Variants in NTM observed in about 807,000 individuals in gnomAD.
The protein encoded by NTM is neurotrimin.
Under a neutral mutation model 42.1 loss-of-function variants are expected in NTM, and 13 were observed. That is an observed-to-expected ratio of 0.31 (90% confidence interval 0.20 to 0.49). The LOEUF (loss-of-function observed/expected upper bound fraction) is 0.49. Ranked by LOEUF, NTM falls within the 20% of genes least tolerant of loss-of-function variation. NTM has a pLI of 0.99. For synonymous variants in NTM, 187 were observed against 179.2 expected (o/e 1.04, Z -0.35); for missense variants, 373 against 452.8 (o/e 0.82, Z 1.60).
chr11:131,756,523 CA>C (rs371563328), intron 1 of NTM, among the ~76,000 whole-genome samples: 2,221 of 133,576 alleles, frequency 0.017, 36 homozygotes, highest in African/African-American at 0.048. Flanking sequence ...GACTCCATCT[CA>C]AAAAAAAAAA....
chr11:131,950,349 C>A lies in NTM; in HGVS notation c.167+38701C>A, dbSNP rs768443277. 9.3e-4 allele frequency among the ~76,000 whole-genome samples: 141 copies of A among 152,346 alleles called. No individual in the cohort carries two copies. The Middle Eastern group carries it at 0.014, about 15-fold the overall frequency. ...GGATTCCCTTGCCTGGTTTTCTGGG[C>A]ATCCAGCATACTGGCTTCAACTTTT... is the stretch of plus-strand genomic sequence containing the variant. On this transcript the variant is annotated intron_variant, in intron 2 of 8. Coordinates refer to ENST00000683400, the MANE Select transcript of NTM (RefSeq NM_001352005.2).
chr11:132,142,674 C>T (rs1334957883), intron 2 of NTM, among the ~76,000 whole-genome samples: 1 of 152,124 alleles, frequency 6.6e-6, no homozygotes, highest in Non-Finnish European at 1.5e-5. Context: ...TGATACCCAG[C>T]AGTGACAGTT....
chr11:132,127,590 CTA>C (rs2066055999), intron 2 of NTM, among the ~76,000 whole-genome samples: 2 of 152,212 alleles, frequency 1.3e-5, no homozygotes, highest in Admixed American at 6.5e-5. Flanking sequence ...TCAACAGTAT[CTA>C]TCTTTTCTGC....
chr11:131,857,762 C>T (rs1209829651), intron 1 of NTM, among the ~76,000 whole-genome samples: 2 of 152,070 alleles, frequency 1.3e-5, no homozygotes, highest in African/African-American at 2.4e-5. Flanking sequence ...CTTGTTTAGT[C>T]TATGTTATTG....
intron 1 of NTM, among the ~76,000 whole-genome samples, chr11:131,414,811 T>G (rs1946773780): frequency 6.6e-6 from 1 of 152,242 alleles, no homozygotes; most frequent in Non-Finnish European, 1.5e-5. Context: ...TGCATTTTTC[T>G]AAGTTCTTGC....
intron 2 of NTM, among the ~76,000 whole-genome samples, chr11:132,039,395 T>C (rs2076903979): frequency 6.6e-6 from 1 of 151,606 alleles, no homozygotes; most frequent in Admixed American, 6.6e-5. Context: ...CCTGAGTCTG[T>C]GCTAGGAAGG....
chr11:132,123,162 G>T (rs555947978), intron 2 of NTM, among the ~76,000 whole-genome samples: 1 of 152,248 alleles, frequency 6.6e-6, no homozygotes, highest in African/African-American at 2.4e-5. Flanking sequence ...CAGAGGGTCA[G>T]AACTGTGAGG....
chr11:132,060,666 T>C (rs949172365), intron 2 of NTM, among the ~76,000 whole-genome samples: 8 of 152,188 alleles, frequency 5.3e-5, no homozygotes, highest in Admixed American at 1.3e-4. Flanking sequence ...GTCACAGAAA[T>C]AGTATACTAC....
intron 2 of NTM, among the ~76,000 whole-genome samples, chr11:131,928,723 G>A (rs1047771296): frequency 6.6e-6 from 1 of 150,598 alleles, no homozygotes; most frequent in Non-Finnish European, 1.5e-5. Flanking sequence ...TCTCCCGTCT[G>A]TGTTTTGTCC....
intron 1 of NTM, among the ~76,000 whole-genome samples, chr11:131,870,688 A>G (rs1420202819): frequency 1.3e-5 from 2 of 152,196 alleles, no homozygotes; most frequent in Non-Finnish European, 2.9e-5. Context: ...ACAACTTGCA[A>G]AATTTAGAAG....
intron 1 of NTM, among the ~76,000 whole-genome samples, chr11:131,410,366 G>T (rs1015808039): frequency 6.6e-6 from 1 of 151,778 alleles, no homozygotes; most frequent in African/African-American, 2.4e-5. Flanking sequence ...CATACCCGTG[G>T]TCCCAGCCAT....
At chr11:131,923,884 G>C (rs960638543) in intron 2 of NTM, among the ~76,000 whole-genome samples, 11 of 152,170 alleles carry the variant, frequency 7.2e-5, no homozygotes, top group Non-Finnish European at 4.4e-5. Context: ...TCAGCCACTG[G>C]GTATATGACC....
chr11:131,431,874 C>T (rs2512650), intron 1 of NTM, among the ~76,000 whole-genome samples: 61,476 of 151,836 alleles, frequency 0.4, 13,345 homozygotes, highest in Non-Finnish European at 0.5. Context: ...AAGAATCCCA[C>T]TCCCTACCCC....
At chr11:132,203,708 G>A (rs1272095663) in intron 3 of NTM, among the ~76,000 whole-genome samples, 2 of 152,080 alleles carry the variant, frequency 1.3e-5, no homozygotes, top group Non-Finnish European at 2.9e-5. Flanking sequence ...TGGCTAACAC[G>A]GTGAAACCCT....
At chr11:132,076,549 T>C (rs1323431768) in intron 2 of NTM, among the ~76,000 whole-genome samples, 1 of 152,196 alleles carries the variant, frequency 6.6e-6, no homozygotes, top group Non-Finnish European at 1.5e-5. Context: ...AAATCAAATC[T>C]AATAAGTCAG....
At chr11:132,269,837 T>C (rs1019012455) in intron 4 of NTM, among the ~76,000 whole-genome samples, 1 of 152,238 alleles carries the variant, frequency 6.6e-6, no homozygotes, top group Non-Finnish European at 1.5e-5. Flanking sequence ...ATGTGTCATT[T>C]ACTTCATCAA....
chr11:131,470,661 G>A (rs1952350862), intron 1 of NTM, among the ~76,000 whole-genome samples: 1 of 152,178 alleles, frequency 6.6e-6, no homozygotes, highest in African/African-American at 2.4e-5. Context: ...GCTCTCCTCT[G>A]GGAGCCAGCT....
At chr11:132,320,153 A>T (rs752869815) in intron 7 of NTM, among the ~76,000 whole-genome samples, 1 of 152,222 alleles carries the variant, frequency 6.6e-6, no homozygotes, top group Non-Finnish European at 1.5e-5. Flanking sequence ...AGATAAAACC[A>T]CAAAGATGGG....
intron 1 of NTM, among the ~76,000 whole-genome samples, chr11:131,421,251 T>A (rs1364216495): frequency 6.6e-6 from 1 of 152,208 alleles, no homozygotes; most frequent in African/African-American, 2.4e-5. Flanking sequence ...CTTCTTGCCC[T>A]GGATGACCAA....
Sources: allele counts gnomAD v4.1 joint callset (sites outside exome capture counted in the v4.1 genomes callset), GRCh38; gene constraint gnomAD v4.1.1; transcripts MANE v1.5; gene names NCBI Gene and HGNC (gene_info 2026-07-23, HGNC 2026-07-21).